NXPH1: variants seen among roughly 807,000 people sequenced by gnomAD.
NXPH1 encodes neurexophilin-1.
Under a neutral mutation model 23.7 loss-of-function variants are expected in NXPH1, and 5 were observed. The ratio of observed to expected loss-of-function variants is 0.21; its 90% CI spans 0.11 to 0.44. NXPH1 has a LOEUF of 0.44. NXPH1 is among the 20% of genes least tolerant of loss of function. The pLI is 0.99. For missense variants in NXPH1, 324 were observed against 321.6 expected, an observed-to-expected ratio of 1.01 and a Z score of -0.06; for synonymous variants, 144 against 122.2, an observed-to-expected ratio of 1.18 and a Z score of -1.18.
Position 8,435,827 on chromosome 7 carries a change from T to C in NXPH1, c.54+60T>C. Reference sequence around the variant, plus strand: ...TACCCCGGCCGGGAGGCAAGGAAACTGGGGACACGCGGGAGAAGGGTTACG... The same window carrying C: ...TACCCCGGCCGGGAGGCAAGGAAACCGGGGACACGCGGGAGAAGGGTTACG... On this transcript the variant is annotated intron_variant, in intron 2 of 2. Coordinates refer to ENST00000405863, the MANE Select transcript of NXPH1 (RefSeq NM_152745.3). The surrounding 1 kb of genome is among the most constrained non-coding windows in gnomAD (Gnocchi z 5.9). 1.3e-6 allele frequency: 2 copies of C among 1,501,502 alleles called. No individual in the cohort carries two copies. The highest frequency in any genetic ancestry group is 1.4e-5 in the African/African-American group (1 of 72,554). 93.0% of individuals were successfully genotyped at this position (1,501,502 alleles called of 1,614,324 possible). A position where few individuals can be genotyped will look rare whatever the true frequency, so the allele number is the denominator to read the frequency against.
At chr7:8,440,605 A>G (rs969686173) in intron 2 of NXPH1, among the ~76,000 whole-genome samples, 1 of 152,200 alleles carries the variant, frequency 6.6e-6, no homozygotes, top group Non-Finnish European at 1.5e-5. Context: ...ATCTGAGGAA[A>G]GATTTTCTGC....
At chr7:8,711,917 G>T (rs2115198128) in intron 2 of NXPH1, among the ~76,000 whole-genome samples, 1 of 152,306 alleles carries the variant, frequency 6.6e-6, no homozygotes, top group South Asian at 2.1e-4. Context: ...AAGGGCCAGG[G>T]TCAGGAATTC....
intron 2 of NXPH1, among the ~76,000 whole-genome samples, chr7:8,688,515 A>G (rs1487003435): frequency 6.6e-6 from 1 of 152,226 alleles, no homozygotes; most frequent in Non-Finnish European, 1.5e-5. Flanking sequence ...GTGTCTGCCA[A>G]CAGAATTGGG....
chr7:8,472,149 T>C (rs1449787370), intron 2 of NXPH1, among the ~76,000 whole-genome samples: 1 of 152,172 alleles, frequency 6.6e-6, no homozygotes, highest in Non-Finnish European at 1.5e-5. Flanking sequence ...AACTTACTGA[T>C]ATAGGTATAT....
intron 2 of NXPH1, among the ~76,000 whole-genome samples, chr7:8,664,520 AG>A (rs1279243893): frequency 2.0e-5 from 3 of 152,152 alleles, no homozygotes; most frequent in African/African-American, 7.2e-5. Flanking sequence ...ATATAAAAAA[AG>A]AAAGAAAAAT....
intron 2 of NXPH1, among the ~76,000 whole-genome samples, chr7:8,471,662 T>C (rs1816874672): frequency 6.6e-6 from 1 of 152,138 alleles, no homozygotes; most frequent in African/African-American, 2.4e-5. Flanking sequence ...TACCTTTTTA[T>C]TCTTGAACTA....
At chr7:8,660,893 T>C (rs1820659260) in intron 2 of NXPH1, among the ~76,000 whole-genome samples, 1 of 152,138 alleles carries the variant, frequency 6.6e-6, no homozygotes, top group South Asian at 2.1e-4. Context: ...AAATGGTTAA[T>C]TTCACAAATG....
At chr7:8,638,450 A>C (rs1164978968) in intron 2 of NXPH1, among the ~76,000 whole-genome samples, 1 of 152,230 alleles carries the variant, frequency 6.6e-6, no homozygotes, top group Non-Finnish European at 1.5e-5. Flanking sequence ...TTCTCATTCA[A>C]ATATACCAGT....
chr7:8,449,515 T>C (rs1197968223), intron 2 of NXPH1, among the ~76,000 whole-genome samples: 1 of 152,218 alleles, frequency 6.6e-6, no homozygotes, highest in Non-Finnish European at 1.5e-5. Flanking sequence ...TAATATTAGG[T>C]CATATTAATA....
intron 2 of NXPH1, among the ~76,000 whole-genome samples, chr7:8,441,949 AG>A (rs1358434210): frequency 4.3e-4 from 3 of 6,994 alleles, no homozygotes; most frequent in African/African-American, 1.7e-3. Flanking sequence ...GTGGGCGGGG[AG>A]GGGATTCTCT....
intron 2 of NXPH1, among the ~76,000 whole-genome samples, chr7:8,479,825 A>G (rs1157779536): frequency 6.6e-6 from 1 of 152,184 alleles, no homozygotes; most frequent in Non-Finnish European, 1.5e-5. Context: ...TTGCAGTGGA[A>G]TAAATCCATA....
intron 2 of NXPH1, among the ~76,000 whole-genome samples, chr7:8,734,875 G>C (rs1780221973): frequency 6.6e-6 from 1 of 152,108 alleles, no homozygotes; most frequent in Admixed American, 6.6e-5. Flanking sequence ...CTTGTAAGTT[G>C]TATTCCTAGG....
chr7:8,511,983 A>C (rs529599100), intron 2 of NXPH1, among the ~76,000 whole-genome samples: 1 of 152,148 alleles, frequency 6.6e-6, no homozygotes. Flanking sequence ...GCGCTCAGCC[A>C]GGGCAGATGC....
intron 2 of NXPH1, among the ~76,000 whole-genome samples, chr7:8,597,947 G>C (rs1296385806): frequency 6.6e-6 from 1 of 151,462 alleles, no homozygotes; most frequent in African/African-American, 2.4e-5. Context: ...TGCGGAGAGT[G>C]GTCCTATCAT....
chr7:8,710,877 T>A (rs1364226426), intron 2 of NXPH1, among the ~76,000 whole-genome samples: 1 of 115,450 alleles, frequency 8.7e-6, no homozygotes, highest in Non-Finnish European at 1.6e-5. Context: ...TTAGCCAGGA[T>A]GGTCTCGATC....
At chr7:8,539,618 T>A (rs1174651569) in intron 2 of NXPH1, among the ~76,000 whole-genome samples, 2 of 151,848 alleles carry the variant, frequency 1.3e-5, no homozygotes, top group African/African-American at 4.8e-5. Flanking sequence ...AATACCGTAT[T>A]GGATGATAGA....
intron 2 of NXPH1, among the ~76,000 whole-genome samples, chr7:8,714,387 C>T (rs1413827058): frequency 6.6e-6 from 1 of 152,010 alleles, no homozygotes. Context: ...ATTCAAGAGC[C>T]AAGGCCTGGA....
chr7:8,721,002 A>G (rs901435135), intron 2 of NXPH1, among the ~76,000 whole-genome samples: 7 of 152,264 alleles, frequency 4.6e-5, no homozygotes, highest in African/African-American at 1.2e-4. Context: ...TGTATTGGAT[A>G]TAGATTCTGG....
chr7:8,553,093 A>G (rs1367536631), intron 2 of NXPH1, among the ~76,000 whole-genome samples: 1 of 151,540 alleles, frequency 6.6e-6, no homozygotes, highest in Admixed American at 6.6e-5. Flanking sequence ...GCAAAGAGAG[A>G]ATGAAAAGCA....
Sources: gnomAD v4.1 joint callset for allele counts (sites outside exome capture counted in the v4.1 genomes callset) on GRCh38, gnomAD v4.1.1 for gene constraint, Gnocchi (gnomAD v3.1) non-coding constraint, MANE v1.5 for transcripts, NCBI Gene and HGNC (gene_info 2026-07-23, HGNC 2026-07-21) for gene names.